PHYKPL: variants seen among roughly 807,000 people sequenced by gnomAD.
PHYKPL encodes 5-phosphonooxy-L-lysine phospho-lyase.
A neutral mutation model predicts 51.3 loss-of-function variants in PHYKPL; 42 were observed. The observed-to-expected ratio is 0.82, with a 90% CI of 0.64 to 1.06. The LOEUF (loss-of-function observed/expected upper bound fraction) is 1.06, where lower values mean the gene tolerates loss of function less well. PHYKPL is among the 50% of genes least tolerant of loss of function. The pLI is 0.00. For synonymous variants in PHYKPL, 264 were observed against 236.0 expected, an observed-to-expected ratio of 1.12 and a Z score of -1.09; for missense variants, 655 against 586.6, an observed-to-expected ratio of 1.12 and a Z score of -1.20.
chr5:178,231,342 TG>T (rs1341112519), intron 2 of PHYKPL, 62 bp downstream of exon 2: 1 of 1,611,914 alleles, frequency 6.2e-7, no homozygotes, highest in African/African-American at 1.3e-5. Flanking sequence ...CAGGTCACCT[TG>T]GGACCAGGTT....
intron 1 of PHYKPL, 104 bp downstream of exon 1, chr5:178,232,388 C>G: frequency 7.6e-7 from 1 of 1,321,034 alleles, no homozygotes; most frequent in East Asian, 3.2e-5. Context: ...GCAGCGGCTT[C>G]CTAGCCGGAG....
At chr5:178,230,141 G>A in intron 2 of PHYKPL, 42 bp from the exon 3 acceptor site, 1 of 1,608,748 alleles carries the variant, frequency 6.2e-7, no homozygotes, top group Non-Finnish European at 8.5e-7. Context: ...GCTCCACTCA[G>A]CCAGTCCCAC....
Position 178,211,973 on chromosome 5 carries a change from G to GA in PHYKPL, c.1304-4dup, listed in dbSNP as rs752382403. ...ACTTCTCACCTTCTCTTCCATGTCT[G>GA]AAAAAGACCACAAAGCAATGCCGAC... On this transcript the variant is annotated splice_polypyrimidine_tract_variant and splice_region_variant and intron_variant, in intron 11 of 12. Transcript: ENST00000308158. 3.1e-6 allele frequency: 5 copies of GA among 1,614,002 alleles called. No homozygotes were observed. Among genetic ancestry groups the GA allele is most frequent in the East Asian group, 2.2e-5 (1 of 44,890 alleles).
At chr5:178,225,548 G>A in intron 3 of PHYKPL, 119 bp from the exon 4 acceptor site, 1 of 909,386 alleles carries the variant, frequency 1.1e-6, no homozygotes, top group South Asian at 1.4e-5. Flanking sequence ...CAACTAGTCA[G>A]TCACTTGCTT....
chr5:178,218,230 A>AAG (rs1420594821), intron 8 of PHYKPL, among the ~76,000 whole-genome samples: 1 of 150,330 alleles, frequency 6.7e-6, no homozygotes, highest in East Asian at 1.9e-4. Flanking sequence ...AAAAAAAAAA[A>AAG]AAAAAAAAGA....
At chr5:178,208,336 A>C (rs1478152552), downstream of PHYKPL, among the ~76,000 whole-genome samples, 1 of 152,166 alleles carries the variant, frequency 6.6e-6, no homozygotes, top group Non-Finnish European at 1.5e-5. Flanking sequence ...ATAAAATGAC[A>C]GTCTTTGAGG....
chr5:178,231,704 G>A, intron 1 of PHYKPL, 181 bp from the exon 2 acceptor site: 2 of 1,551,834 alleles, frequency 1.3e-6, no homozygotes. Context: ...TGCAAAGCAG[G>A]AAGCAGATGG....
At chr5:178,228,567 T>C in intron 3 of PHYKPL, 1 of 702,604 alleles carries the variant, frequency 1.4e-6, no homozygotes, top group East Asian at 2.7e-5. Flanking sequence ...CAAGTTCCTT[T>C]CTTTGAACTG....
In PHYKPL at chr5:178,210,357, G is replaced by C. The variant is rs116831266; in HGVS notation, c.*32-1442C>G. On this transcript the variant is annotated intron_variant, in intron 12 of 12. Transcript: ENST00000308158. ...AGTGTAGGAGCCACTGGCAGCAGGG[G>C]CTTTGGAGTCAGACAGGCCTGGCTC... The C allele has an allele frequency of 7.7e-3, 12,275 of 1,599,794 alleles. 225 individuals are homozygous for C. In the African/African-American group the frequency reaches 0.077, roughly 10 times the overall value.
intron 12 of PHYKPL, chr5:178,210,782 A>G (rs1408954335): frequency 4.6e-6 from 3 of 659,062 alleles, no homozygotes; most frequent in Admixed American, 2.2e-5. Flanking sequence ...CCTGTTGACT[A>G]TTTCCAGAGC....
intron 10 of PHYKPL, among the ~76,000 whole-genome samples, chr5:178,214,069 G>A (rs1251412821): frequency 2.0e-5 from 3 of 152,104 alleles, no homozygotes; most frequent in Non-Finnish European, 4.4e-5. Context: ...GAGAGAAGGC[G>A]GGACCAGGAA....
intron 3 of PHYKPL, 65 bp downstream of exon 3, chr5:178,229,875 C>T: frequency 1.9e-6 from 3 of 1,581,576 alleles, no homozygotes; most frequent in South Asian, 1.1e-5. Context: ...ACACTGGGCC[C>T]ATGTGAGTGA....
At chr5:178,229,915 C>CG in intron 3 of PHYKPL, 25 bp downstream of exon 3, 1 of 1,608,896 alleles carries the variant, frequency 6.2e-7, no homozygotes, top group East Asian at 2.2e-5. Flanking sequence ...ACCCTCTTCC[C>CG]GGGGGCTGGC....
chr5:178,212,928 A>T, intron 11 of PHYKPL, 45 bp downstream of exon 11: 1 of 1,606,196 alleles, frequency 6.2e-7, no homozygotes, highest in African/African-American at 1.3e-5. Context: ...TGCTGGCTTC[A>T]GGCTGAGTTC....
chr5:178,214,743 G>A (rs931776834), intron 10 of PHYKPL, 53 bp downstream of exon 10: 48 of 1,520,260 alleles, frequency 3.2e-5, no homozygotes, highest in Middle Eastern at 1.8e-4. Context: ...CTGCAAAGAG[G>A]TACCTGTGGT....
intron 8 of PHYKPL, 145 bp from the exon 9 acceptor site, chr5:178,215,575 C>T (rs955832515): frequency 2.1e-6 from 2 of 965,590 alleles, no homozygotes; most frequent in South Asian, 1.8e-5. Flanking sequence ...GCACAGTCCT[C>T]AGCAGTAGTA....
chr5:178,210,971 CT>C, intron 12 of PHYKPL: 12 of 272,366 alleles, frequency 4.4e-5, no homozygotes, highest in Non-Finnish European at 5.5e-5. Flanking sequence ...CCAGTGTCAC[CT>C]TTTTTTCACC....
At chr5:178,210,056 G>A in intron 12 of PHYKPL, 1 of 1,576,546 alleles carries the variant, frequency 6.3e-7, no homozygotes, top group East Asian at 2.2e-5. Context: ...CCACCCCAAA[G>A]GGCAGGATTT....
intron 8 of PHYKPL, among the ~76,000 whole-genome samples, chr5:178,217,954 A>C (rs1264443913): frequency 6.6e-6 from 1 of 151,096 alleles, no homozygotes; most frequent in Non-Finnish European, 1.5e-5. Flanking sequence ...GCGGTGGCTC[A>C]CGCCTGTAAT....
Sources: gnomAD v4.1 joint callset for allele counts (sites outside exome capture counted in the v4.1 genomes callset) on GRCh38, gnomAD v4.1.1 for gene constraint, MANE v1.5 for transcripts, NCBI Gene and HGNC (gene_info 2026-07-23, HGNC 2026-07-21) for gene names.